CNTNAP2: variants seen among roughly 807,000 people sequenced by gnomAD.
CNTNAP2 encodes the protein contactin associated protein 2.
In CNTNAP2, 98 loss-of-function variants were observed where a neutral mutation model predicts 155.2. The ratio of observed to expected loss-of-function variants is 0.63; its 90% CI spans 0.54 to 0.75. The LOEUF (loss-of-function observed/expected upper bound fraction) is 0.75. Ranked by LOEUF, CNTNAP2 falls within the 30% of genes least tolerant of loss-of-function variation. The probability of loss-of-function intolerance (pLI) is 0.00; values close to 1 mark genes in which losing one functional copy is unlikely to be tolerated. For synonymous variants in CNTNAP2, 651 were observed against 631.2 expected (o/e 1.03, Z -0.47); for missense variants, 1,727 against 1,688.1 (o/e 1.02, Z -0.40).
intron 1 of CNTNAP2, among the ~76,000 whole-genome samples, chr7:146,490,647 G>A (rs1012738450): frequency 6.6e-5 from 10 of 152,158 alleles, no homozygotes; most frequent in African/African-American, 2.4e-4. Context: ...TAAGATAAAG[G>A]TGTATCTGCA....
intron 13 of CNTNAP2, among the ~76,000 whole-genome samples, chr7:147,695,354 A>G (rs1101047): frequency 1.4e-4 from 21 of 152,094 alleles, no homozygotes; most frequent in African/African-American, 5.1e-4. Flanking sequence ...CTGTACCTAG[A>G]TGATCTAGTG....
chr7:147,362,432 G>A (rs1459472823), intron 9 of CNTNAP2, among the ~76,000 whole-genome samples: 1 of 148,010 alleles, frequency 6.8e-6, no homozygotes, highest in African/African-American at 2.5e-5. Context: ...ACCACTTCTG[G>A]CCTAAGCTGT....
chr7:147,786,411 G>C (rs1262248151), intron 13 of CNTNAP2, among the ~76,000 whole-genome samples: 1 of 152,222 alleles, frequency 6.6e-6, no homozygotes, highest in Non-Finnish European at 1.5e-5. Flanking sequence ...TGGAGACTGA[G>C]AGGATGATGT....
At chr7:146,516,254 A>C (rs939097766) in intron 1 of CNTNAP2, among the ~76,000 whole-genome samples, 1 of 152,042 alleles carries the variant, frequency 6.6e-6, no homozygotes, top group Non-Finnish European at 1.5e-5. Flanking sequence ...ACATGGTGCC[A>C]GATTGAGCCA....
At chr7:146,316,773 A>G (rs1293722512) in intron 1 of CNTNAP2, among the ~76,000 whole-genome samples, 2 of 146,454 alleles carry the variant, frequency 1.4e-5, no homozygotes, top group African/African-American at 5.3e-5. Context: ...TTTTTTTTTT[A>G]ATAAAAACTA....
chr7:147,100,273 G>GT (rs1800627788), intron 4 of CNTNAP2, among the ~76,000 whole-genome samples: 1 of 152,088 alleles, frequency 6.6e-6, no homozygotes, highest in Admixed American at 6.5e-5. Flanking sequence ...TCCTGTGTCT[G>GT]TTTTTTGTGA....
At chr7:146,475,827 C>A (rs17133782) in intron 1 of CNTNAP2, among the ~76,000 whole-genome samples, 1 of 151,984 alleles carries the variant, frequency 6.6e-6, no homozygotes, top group Non-Finnish European at 1.5e-5. Flanking sequence ...TATTTTTGGC[C>A]AGGGAGTTGG....
intron 1 of CNTNAP2, among the ~76,000 whole-genome samples, chr7:146,248,517 T>C (rs1405569785): frequency 2.0e-5 from 3 of 152,032 alleles, no homozygotes; most frequent in East Asian, 3.9e-4. Flanking sequence ...GGTCCAGGGA[T>C]AAAACGTGTC....
At chr7:146,458,737 A>T (rs2129124007) in intron 1 of CNTNAP2, among the ~76,000 whole-genome samples, 1 of 152,234 alleles carries the variant, frequency 6.6e-6, no homozygotes, top group African/African-American at 2.4e-5. Flanking sequence ...GGCTTTGAGT[A>T]AAGTAGATTG....
chr7:147,691,176 C>T (rs1335862435), intron 13 of CNTNAP2, among the ~76,000 whole-genome samples: 1 of 152,188 alleles, frequency 6.6e-6, no homozygotes, highest in East Asian at 1.9e-4. Flanking sequence ...ATTGCTTGAT[C>T]ATAGATTAGG....
intron 1 of CNTNAP2, among the ~76,000 whole-genome samples, chr7:146,433,923 C>T (rs192562951): frequency 7.2e-5 from 11 of 152,174 alleles, no homozygotes; most frequent in Admixed American, 5.2e-4. Flanking sequence ...GTCCTTCTTA[C>T]GGTGCTGAAG....
intron 9 of CNTNAP2, among the ~76,000 whole-genome samples, chr7:147,322,487 A>G (rs1247156061): frequency 2.6e-5 from 4 of 152,132 alleles, no homozygotes; most frequent in African/African-American, 9.7e-5. Flanking sequence ...TGTTTAACCT[A>G]AGGATATTTT....
intron 13 of CNTNAP2, among the ~76,000 whole-genome samples, chr7:147,873,964 C>T (rs1410687359): frequency 6.6e-6 from 1 of 152,186 alleles, no homozygotes; most frequent in East Asian, 1.9e-4. Context: ...CCTTAAAGTT[C>T]CAAAATGATC....
intron 13 of CNTNAP2, among the ~76,000 whole-genome samples, chr7:147,641,471 GC>G (rs1247234144): frequency 2.0e-5 from 3 of 152,064 alleles, no homozygotes; most frequent in African/African-American, 4.8e-5. Context: ...AACCTGCTTT[GC>G]TGGGCTCCAT....
At chr7:147,725,012 C>T (rs1011933990) in intron 13 of CNTNAP2, among the ~76,000 whole-genome samples, 2 of 151,954 alleles carry the variant, frequency 1.3e-5, no homozygotes, top group Non-Finnish European at 2.9e-5. Flanking sequence ...TCTTGTCTTT[C>T]CCCTTCTCAG....
At chr7:146,720,315 C>T (rs1801263618) in intron 1 of CNTNAP2, among the ~76,000 whole-genome samples, 2 of 152,054 alleles carry the variant, frequency 1.3e-5, no homozygotes, top group African/African-American at 4.8e-5. Context: ...TTTACTGGCT[C>T]ACTTTCAAAT....
intron 13 of CNTNAP2, among the ~76,000 whole-genome samples, chr7:147,822,005 G>C (rs180954283): frequency 7.3e-4 from 111 of 152,174 alleles, no homozygotes; most frequent in African/African-American, 2.7e-3. Flanking sequence ...CATAAGCCAA[G>C]AAACAATAGT....
At chr7:147,310,472 T>C (rs553362803) in intron 9 of CNTNAP2, among the ~76,000 whole-genome samples, 1 of 152,182 alleles carries the variant, frequency 6.6e-6, no homozygotes, top group Non-Finnish European at 1.5e-5. Context: ...GATAAGTAAA[T>C]TAAATATTAT....
intron 1 of CNTNAP2, among the ~76,000 whole-genome samples, chr7:146,734,655 C>T (rs1801581361): frequency 6.6e-6 from 1 of 152,122 alleles, no homozygotes; most frequent in South Asian, 2.1e-4. Context: ...ATATTTTAAA[C>T]TACATAATGC....
Sources: gnomAD v4.1 joint callset for allele counts (sites outside exome capture counted in the v4.1 genomes callset) on GRCh38, gnomAD v4.1.1 for gene constraint, MANE v1.5 for transcripts, NCBI Gene and HGNC (gene_info 2026-07-23, HGNC 2026-07-21) for gene names.